The following CNOT4 variants were observed in gnomAD, a reference collection of about 807,000 sequenced individuals.
CNOT4 encodes the protein CCR4-associated factor 4.
A neutral mutation model predicts 73.8 loss-of-function variants in CNOT4; 8 were observed. The observed-to-expected ratio is 0.11, with a 90% confidence interval of 0.06 to 0.20. CNOT4 has a LOEUF of 0.20. Ranked by LOEUF, CNOT4 falls within the 10% of genes least tolerant of loss-of-function variation. The pLI is 1.00. For missense variants in CNOT4, 564 were observed against 883.4 expected (o/e 0.64, Z 4.58); for synonymous variants, 293 against 321.1 (o/e 0.91, Z 0.94).
At chr7:135,394,557 G>T in intron 9 of CNOT4, 142 bp from the exon 10 acceptor site, 1 of 688,354 alleles carries the variant, frequency 1.5e-6, no homozygotes, top group South Asian at 1.9e-5. Context: ...AGCACATTAA[G>T]ATCATATAAT....
At chr7:135,368,386 T>C (rs1033290801) in intron 10 of CNOT4, among the ~76,000 whole-genome samples, 3 of 152,166 alleles carry the variant, frequency 2.0e-5, no homozygotes, top group African/African-American at 7.2e-5. Flanking sequence ...AGCAACTCTT[T>C]ACTGAATGCC....
At chr7:135,368,639 G>A (rs1043973606) in intron 10 of CNOT4, among the ~76,000 whole-genome samples, 1 of 152,200 alleles carries the variant, frequency 6.6e-6, no homozygotes, top group Non-Finnish European at 1.5e-5. Flanking sequence ...CATTCGTGGA[G>A]TTGCCATTTT....
intron 10 of CNOT4, among the ~76,000 whole-genome samples, chr7:135,369,140 T>TG (rs2129482491): frequency 6.6e-6 from 1 of 152,340 alleles, no homozygotes; most frequent in Admixed American, 6.5e-5. Context: ...TAGGGTACCA[T>TG]GTGAGATTTA....
At chr7:135,495,444 G>A (rs1420579899) in intron 1 of CNOT4, among the ~76,000 whole-genome samples, 2 of 147,542 alleles carry the variant, frequency 1.4e-5, no homozygotes, top group Non-Finnish European at 3.0e-5. Context: ...GGCGGAGGCT[G>A]CAGTGAGCCG....
chr7:135,388,551 TTAGAAA>T lies in CNOT4; in HGVS notation c.1627+5361_1627+5366del, dbSNP rs1359979750. 18 of 1,088,094 alleles carry T rather than the reference TTAGAAA, an allele frequency of 1.7e-5. No homozygotes were observed. The East Asian group carries it at 4.8e-4, about 29-fold the overall frequency. The allele number at this position is 1,088,094 out of a possible 1,614,324, so 67.4% of individuals were successfully genotyped here. ...AGTACTACAAGTTTATTTTTATGAG[TTAGAAA>T]TAGTATCACTCATGAGAAACAATGC... On this transcript the variant is annotated intron_variant, in intron 10 of 11. Coordinates refer to ENST00000541284, the MANE Select transcript of CNOT4 (RefSeq NM_001190850.2).
intron 1 of CNOT4, among the ~76,000 whole-genome samples, chr7:135,468,089 G>A (rs1177799061): frequency 6.6e-6 from 1 of 151,920 alleles, no homozygotes; most frequent in Non-Finnish European, 1.5e-5. Flanking sequence ...GGTGGCAGGC[G>A]CCTGTAGTCC....
chr7:135,444,632 G>A, intron 1 of CNOT4: 1 of 1,204,176 alleles, frequency 8.3e-7, no homozygotes, highest in Admixed American at 1.7e-5. Flanking sequence ...CTGGTTCCAA[G>A]GCTGCATCTC....
chr7:135,415,236 C>T lies in CNOT4; in HGVS notation c.399G>A (p.Gly133=), dbSNP rs1430159385. ...CAACTTTATGTATTTTACCAAACTT[C>T]CCAAAATATTCTGGTCGTTTTAAAA... ...PEVLKRPEYF[G]KFGKIHKVVI... Residue 133 remains glycine (G), a synonymous_variant, in exon 4 of 12, where the codon GGG becomes GGA. Coordinates refer to ENST00000541284, the MANE Select transcript of CNOT4 (RefSeq NM_001190850.2). 6.3e-7 allele frequency: 1 copy of T among 1,594,382 alleles called. No homozygotes were observed. The highest frequency in any genetic ancestry group is 2.2e-5 in the East Asian group (1 of 44,764).
At chr7:135,445,044 CCTT>C in intron 1 of CNOT4, 4 of 803,840 alleles carry the variant, frequency 5.0e-6, no homozygotes, top group Middle Eastern at 3.5e-4. Flanking sequence ...TGGTGGACAG[CCTT>C]CTTCTCTTAA....
chr7:135,406,466 C>A (rs1313229519), intron 7 of CNOT4, among the ~76,000 whole-genome samples: 1 of 151,812 alleles, frequency 6.6e-6, no homozygotes, highest in East Asian at 1.9e-4. Flanking sequence ...TTGAGACCAG[C>A]CTGGGCAACA....
intron 10 of CNOT4, among the ~76,000 whole-genome samples, chr7:135,376,246 A>C (rs1795512780): frequency 1.3e-5 from 2 of 152,116 alleles, no homozygotes; most frequent in Admixed American, 1.3e-4. Context: ...CTCAACCATC[A>C]ATTTTCCTTC....
intron 3 of CNOT4, among the ~76,000 whole-genome samples, chr7:135,416,970 G>A (rs569848656): frequency 3.3e-5 from 5 of 152,066 alleles, no homozygotes; most frequent in East Asian, 1.9e-4. Context: ...CATATTATAC[G>A]TAATTACAAA....
intron 1 of CNOT4, among the ~76,000 whole-genome samples, chr7:135,498,045 T>C (rs182826657): frequency 1.3e-5 from 2 of 152,294 alleles, no homozygotes; most frequent in Admixed American, 6.5e-5. Context: ...ACAATCCTGG[T>C]ATCTCCATTT....
chr7:135,365,430 G>A (rs1201853796), intron 10 of CNOT4, among the ~76,000 whole-genome samples: 1 of 151,710 alleles, frequency 6.6e-6, no homozygotes, highest in Non-Finnish European at 1.5e-5. Flanking sequence ...TGTATGTGTT[G>A]TATGGTTTAC....
chr7:135,500,923 A>G (rs1005583429), intron 1 of CNOT4, among the ~76,000 whole-genome samples: 3 of 151,364 alleles, frequency 2.0e-5, no homozygotes, highest in East Asian at 1.9e-4. Context: ...CCAAGCTCCT[A>G]TTCTCCAGTG....
intron 10 of CNOT4, among the ~76,000 whole-genome samples, chr7:135,389,157 CAAAAAAA>C (rs11292254): frequency 2.4e-5 from 2 of 83,670 alleles, no homozygotes; most frequent in African/African-American, 8.9e-5. Context: ...AACATACTAC[CAAAAAAA>C]AAAAAAAAAA....
At chr7:135,402,161 G>A (rs1797036620) in intron 7 of CNOT4, among the ~76,000 whole-genome samples, 1 of 149,068 alleles carries the variant, frequency 6.7e-6, no homozygotes, top group African/African-American at 2.5e-5. Flanking sequence ...CCAGGCTGGA[G>A]TGCAGTAGCA....
intron 1 of CNOT4, among the ~76,000 whole-genome samples, chr7:135,503,292 C>A (rs1284490300): frequency 6.6e-6 from 1 of 151,972 alleles, no homozygotes; most frequent in Non-Finnish European, 1.5e-5. Context: ...GGGTGAGCCC[C>A]CATTTCCACA....
chr7:135,504,777 C>T (rs1248437364), intron 1 of CNOT4, among the ~76,000 whole-genome samples: 6 of 74,034 alleles, frequency 8.1e-5, no homozygotes, highest in Admixed American at 5.3e-4. Flanking sequence ...TGAGCCACCG[C>T]GCCCGGCCCA....
Sources: gnomAD v4.1 joint callset for allele counts (sites outside exome capture counted in the v4.1 genomes callset) on GRCh38, gnomAD v4.1.1 for gene constraint, MANE v1.5 for transcripts, NCBI Gene and HGNC (gene_info 2026-07-23, HGNC 2026-07-21) for gene names.